Variants in LRRTM4 observed in about 807,000 individuals in gnomAD.
LRRTM4 encodes leucine-rich repeat transmembrane neuronal protein 4.
In LRRTM4, 25 loss-of-function variants were observed where a neutral mutation model predicts 47.6. The ratio of observed to expected loss-of-function variants is 0.53; its 90% CI spans 0.38 to 0.73. The LOEUF is 0.73. LRRTM4 is among the 30% of genes least tolerant of loss of function. The probability of loss-of-function intolerance (pLI) is 0.00; values close to 1 mark genes in which losing one functional copy is unlikely to be tolerated. For synonymous variants in LRRTM4, 311 were observed against 269.5 expected (o/e 1.15, Z -1.51); for missense variants, 638 against 713.4 (o/e 0.89, Z 1.20).
chr2:77,161,174 T>C (rs553456227), intron 3 of LRRTM4, among the ~76,000 whole-genome samples: 4 of 152,132 alleles, frequency 2.6e-5, no homozygotes, highest in African/African-American at 9.7e-5. Flanking sequence ...TTGCTTGCCA[T>C]AGTAACCAGC....
In LRRTM4 at chr2:77,461,858, T is replaced by G. The variant is rs536527104; in HGVS notation, c.1551+56460A>C. On this transcript the variant is annotated intron_variant, in intron 3 of 3. Transcript: ENST00000409884. ...TGTCTCAAAAGGCTGACTGAACTGC[T>G]ATTTCTTTCTCCTATTTTTGGCTTT... Among the ~76,000 whole-genome samples, 16 of 152,226 alleles carry G rather than the reference T, an allele frequency of 1.1e-4. 1 individual carries two copies. Among genetic ancestry groups the G allele is most frequent in the African/African-American group, 3.8e-4 (16 of 41,562 alleles).
intron 3 of LRRTM4, among the ~76,000 whole-genome samples, chr2:77,415,436 CA>C (rs1674599795): frequency 6.6e-6 from 1 of 152,080 alleles, no homozygotes; most frequent in Non-Finnish European, 1.5e-5. Context: ...TTGTAACTAT[CA>C]AGATTTCTTA....
intron 3 of LRRTM4, among the ~76,000 whole-genome samples, chr2:77,315,820 C>A (rs1178776836): frequency 6.6e-6 from 1 of 152,222 alleles, no homozygotes. Flanking sequence ...ACAGAAGATA[C>A]TGCCCTTTCT....
chr2:77,364,141 A>C (rs1672348484), intron 3 of LRRTM4, among the ~76,000 whole-genome samples: 1 of 142,806 alleles, frequency 7.0e-6, no homozygotes, highest in East Asian at 2.1e-4. Flanking sequence ...AAAAAAAAAA[A>C]AACAAGTTCT....
At chr2:77,068,605 G>GT (rs1170629160) in intron 3 of LRRTM4, among the ~76,000 whole-genome samples, 1 of 151,904 alleles carries the variant, frequency 6.6e-6, no homozygotes, top group Non-Finnish European at 1.5e-5. Context: ...TGTTTTCAAC[G>GT]TTCTTCTATG....
chr2:76,826,350 G>A (rs1198848757), intron 3 of LRRTM4, among the ~76,000 whole-genome samples: 1 of 151,452 alleles, frequency 6.6e-6, no homozygotes, highest in Non-Finnish European at 1.5e-5. Context: ...TAGGCATCAT[G>A]GCATATCAGC....
chr2:77,145,121 T>C (rs1056424904), intron 3 of LRRTM4, among the ~76,000 whole-genome samples: 8 of 151,606 alleles, frequency 5.3e-5, no homozygotes, highest in African/African-American at 1.9e-4. Flanking sequence ...ATAACAGACA[T>C]AGAGTAGCAA....
intron 3 of LRRTM4, among the ~76,000 whole-genome samples, chr2:77,372,209 G>C (rs1249055321): frequency 2.6e-5 from 4 of 151,712 alleles, no homozygotes; most frequent in Non-Finnish European, 5.9e-5. Context: ...CTGTCTTAGA[G>C]GGAGAATTAA....
intron 3 of LRRTM4, among the ~76,000 whole-genome samples, chr2:76,840,476 T>C (rs951296861): frequency 2.6e-5 from 4 of 152,122 alleles, no homozygotes; most frequent in African/African-American, 9.7e-5. Context: ...TCTGACAAGG[T>C]CATGAAGCAA....
chr2:76,831,097 G>T (rs1430610128), intron 3 of LRRTM4, among the ~76,000 whole-genome samples: 4 of 152,076 alleles, frequency 2.6e-5, no homozygotes, highest in African/African-American at 9.7e-5. Context: ...GATGCTGCTA[G>T]TAGAGATTGC....
At chr2:77,164,965 G>C (rs111405294) in intron 3 of LRRTM4, among the ~76,000 whole-genome samples, 4,297 of 152,192 alleles carry the variant, frequency 0.028, 213 homozygotes, top group African/African-American at 0.096. Flanking sequence ...ACTAAGATTA[G>C]AGCAGAACTG....
intron 3 of LRRTM4, among the ~76,000 whole-genome samples, chr2:77,510,096 C>T (rs1364003194): frequency 6.6e-6 from 1 of 151,960 alleles, no homozygotes; most frequent in Non-Finnish European, 1.5e-5. Flanking sequence ...TTATTAGAAA[C>T]AATTGACAAG....
At chr2:77,442,610 T>G (rs1378858821) in intron 3 of LRRTM4, among the ~76,000 whole-genome samples, 1 of 152,204 alleles carries the variant, frequency 6.6e-6, no homozygotes, top group East Asian at 1.9e-4. Flanking sequence ...AAGATCTTAG[T>G]ATGTGTTAAA....
intron 3 of LRRTM4, among the ~76,000 whole-genome samples, chr2:77,130,829 T>C (rs1304640232): frequency 1.2e-5 from 1 of 85,000 alleles, no homozygotes; most frequent in Non-Finnish European, 2.3e-5. Flanking sequence ...GTTCTATTTT[T>C]TTTTTTTTTT....
chr2:77,119,435 A>C (rs1007023839), intron 3 of LRRTM4, among the ~76,000 whole-genome samples: 2 of 151,860 alleles, frequency 1.3e-5, no homozygotes, highest in Admixed American at 6.6e-5. Context: ...GGTGTTAAGA[A>C]TCTTTACTGA....
At chr2:77,429,027 G>T (rs1450400415) in intron 3 of LRRTM4, among the ~76,000 whole-genome samples, 2 of 152,162 alleles carry the variant, frequency 1.3e-5, no homozygotes, top group East Asian at 3.9e-4. Flanking sequence ...GGGTTTGACA[G>T]TAATTTCATT....
intron 3 of LRRTM4, among the ~76,000 whole-genome samples, chr2:76,866,428 A>G (rs1009327201): frequency 2.0e-5 from 3 of 152,072 alleles, no homozygotes; most frequent in Non-Finnish European, 4.4e-5. Flanking sequence ...CAATTTCCTT[A>G]TGACTCGGCA....
chr2:77,480,822 G>GGAGAGAGAGAGAGA lies in LRRTM4; in HGVS notation c.1551+37482_1551+37495dup, dbSNP rs67377276. 2.3e-3 allele frequency among the ~76,000 whole-genome samples: 168 copies of GGAGAGAGAGAGAGA among 74,498 alleles called. 3 individuals carry two copies. Among genetic ancestry groups the GGAGAGAGAGAGAGA allele is most frequent in the Non-Finnish European group, 2.8e-3 (115 of 41,498 alleles). 48.9% of individuals were successfully genotyped at this position (74,498 alleles called of 152,430 possible). A position where few individuals can be genotyped will look rare whatever the true frequency, so the allele number is the denominator to read the frequency against. ...TGTGTGTGTGTGTGTGTGTGTGTGT[G>GGAGAGAGAGAGAGA]GAGAGAGAGAGAGAGAGAGAGAGAG... is the stretch of plus-strand genomic sequence containing the variant. On this transcript the variant is annotated intron_variant, in intron 3 of 3. Transcript: ENST00000409884.
intron 3 of LRRTM4, among the ~76,000 whole-genome samples, chr2:77,093,921 AC>A (rs1321049477): frequency 6.7e-6 from 1 of 148,574 alleles, no homozygotes; most frequent in East Asian, 2.0e-4. Context: ...TGCGACCCCC[AC>A]TCCTGCCCGC....
Sources: allele counts gnomAD v4.1 joint callset (sites outside exome capture counted in the v4.1 genomes callset), GRCh38; gene constraint gnomAD v4.1.1; transcripts MANE v1.5; gene names NCBI Gene and HGNC (gene_info 2026-07-23, HGNC 2026-07-21).